The following SLC35D4 variants were observed in gnomAD, a reference collection of about 807,000 sequenced individuals.
The protein encoded by SLC35D4 is solute carrier family 35 member D4.
At chr18:23,331,453 G>A in the SLC35D4 span, 3 of 152,200 alleles carry the variant, frequency 2.0e-5, no homozygotes, top group Non-Finnish European at 4.4e-5. Flanking sequence ...GGCTCTGCTC[G>A]GGAAGCTGCC....
the SLC35D4 span, among the ~76,000 whole-genome samples, chr18:23,345,804 C>T: frequency 1.3e-5 from 2 of 151,436 alleles, no homozygotes; most frequent in African/African-American, 4.8e-5. Context: ...TATTGTATTT[C>T]TTGATTTTTT....
the SLC35D4 span, chr18:23,377,531 A>G: frequency 2.1e-6 from 2 of 958,236 alleles, no homozygotes; most frequent in Admixed American, 3.4e-5. Context: ...ATGAATGTTT[A>G]TAATAAATTC....
chr18:23,252,474 A>G, the SLC35D4 span, among the ~76,000 whole-genome samples: 6 of 152,242 alleles, frequency 3.9e-5, no homozygotes, highest in Admixed American at 6.5e-5. Context: ...CTTCTCATAC[A>G]GTTCTCAGAA....
the SLC35D4 span, among the ~76,000 whole-genome samples, chr18:23,290,056 G>A: frequency 6.6e-6 from 1 of 152,160 alleles, no homozygotes; most frequent in African/African-American, 2.4e-5. Flanking sequence ...AAAGATACAC[G>A]TCCTCCATCA....
At chr18:23,279,765 A>C in the SLC35D4 span, among the ~76,000 whole-genome samples, 3 of 152,126 alleles carry the variant, frequency 2.0e-5, no homozygotes, top group Non-Finnish European at 4.4e-5. Flanking sequence ...AGTAATAATA[A>C]ATTTCTGTTG....
the SLC35D4 span, among the ~76,000 whole-genome samples, chr18:23,385,592 G>A: frequency 2.0e-5 from 3 of 152,198 alleles, no homozygotes; most frequent in Non-Finnish European, 4.4e-5. Flanking sequence ...CATCTTCTCC[G>A]GGGAATGGGA....
chr18:23,239,596 G>A, the SLC35D4 span, among the ~76,000 whole-genome samples: 7 of 152,190 alleles, frequency 4.6e-5, no homozygotes, highest in Admixed American at 4.6e-4. Flanking sequence ...GGGTGGGGGC[G>A]CTGGGGTGTT....
chr18:23,275,068 T>TTGTG, the SLC35D4 span, among the ~76,000 whole-genome samples: 1 of 128,460 alleles, frequency 7.8e-6, no homozygotes, highest in Non-Finnish European at 1.6e-5. Context: ...GTAGGTGTGC[T>TTGTG]TGTGTGTGTG....
the SLC35D4 span, among the ~76,000 whole-genome samples, chr18:23,371,931 T>A: frequency 4.9e-4 from 10 of 20,492 alleles, 1 homozygote; most frequent in African/African-American, 1.3e-3. Flanking sequence ...TCCTTGTTTT[T>A]TTTGTTTTTT....
At chr18:23,313,156 A>AAAAAAAAAAAAAAAAAAAAAAAAT in the SLC35D4 span, among the ~76,000 whole-genome samples, 7 of 146,522 alleles carry the variant, frequency 4.8e-5, no homozygotes, top group Non-Finnish European at 9.1e-5. Flanking sequence ...AAAAAAAAAA[A>AAAAAAAAAAAAAAAAAAAAAAAAT]AGAACCTGAG....
At chr18:23,401,560 A>G in the SLC35D4 span, among the ~76,000 whole-genome samples, 4 of 152,230 alleles carry the variant, frequency 2.6e-5, no homozygotes, top group Admixed American at 2.0e-4. Context: ...CATTAAGCTC[A>G]CATGAATCAA....
chr18:23,248,647 G>C, the SLC35D4 span, among the ~76,000 whole-genome samples: 1 of 151,156 alleles, frequency 6.6e-6, no homozygotes, highest in Non-Finnish European at 1.5e-5. Context: ...GACCAACATG[G>C]TGAAACCCCA....
the SLC35D4 span, among the ~76,000 whole-genome samples, chr18:23,389,606 C>A: frequency 1.3e-5 from 2 of 151,978 alleles, no homozygotes; most frequent in Admixed American, 1.3e-4. Flanking sequence ...AGTGCAGTGG[C>A]ACGATCTTGG....
At chr18:23,315,288 T>C in the SLC35D4 span, among the ~76,000 whole-genome samples, 4 of 152,188 alleles carry the variant, frequency 2.6e-5, no homozygotes, top group South Asian at 2.1e-4. Flanking sequence ...AAACATTTCA[T>C]AGGTCTGCCG....
At chr18:23,410,449 G>GC in the SLC35D4 span, among the ~76,000 whole-genome samples, 1 of 151,234 alleles carries the variant, frequency 6.6e-6, no homozygotes, top group Non-Finnish European at 1.5e-5. Context: ...CTGCACTCCA[G>GC]CCTGGGCAAA....
the SLC35D4 span, among the ~76,000 whole-genome samples, chr18:23,250,575 C>T: frequency 1.3e-5 from 2 of 152,322 alleles, no homozygotes; most frequent in Non-Finnish European, 2.9e-5. Flanking sequence ...ATAAACCTGT[C>T]TTGGAGGGCT....
chr18:23,284,754 C>T, the SLC35D4 span, among the ~76,000 whole-genome samples: 4 of 152,216 alleles, frequency 2.6e-5, no homozygotes, highest in African/African-American at 9.7e-5. Flanking sequence ...ATTTCCCGTC[C>T]CTACACTCAA....
the SLC35D4 span, among the ~76,000 whole-genome samples, chr18:23,315,237 A>G: frequency 6.6e-6 from 1 of 152,168 alleles, no homozygotes; most frequent in Admixed American, 6.5e-5. Flanking sequence ...ACAGTTTCCT[A>G]CCATCATCTT....
At chr18:23,267,751 C>T in the SLC35D4 span, among the ~76,000 whole-genome samples, 1 of 152,200 alleles carries the variant, frequency 6.6e-6, no homozygotes, top group Admixed American at 6.5e-5. Context: ...TCCTCAGCCA[C>T]TCCCTGCCTG....
Sources: allele counts gnomAD v4.1 joint callset (sites outside exome capture counted in the v4.1 genomes callset), GRCh38; gene constraint gnomAD v4.1.1; transcripts MANE v1.5; gene names NCBI Gene and HGNC (gene_info 2026-07-23, HGNC 2026-07-21).